HECW2: variants seen among roughly 807,000 people sequenced by gnomAD.
HECW2 encodes the protein E3 ubiquitin-protein ligase HECW2.
In HECW2, 61 loss-of-function variants were observed where a neutral mutation model predicts 175.2. The ratio of observed to expected loss-of-function variants is 0.35; its 90% CI spans 0.28 to 0.43. HECW2 has a LOEUF of 0.43. HECW2 is among the 20% of genes least tolerant of loss of function. The probability of loss-of-function intolerance (pLI) is 1.00; values close to 1 mark genes in which losing one functional copy is unlikely to be tolerated. For missense variants in HECW2, 1,524 were observed against 2,000.5 expected (o/e 0.76, Z 4.54); for synonymous variants, 671 against 731.0 (o/e 0.92, Z 1.32).
chr2:196,398,646 G>A (rs1056919515), intron 2 of HECW2, among the ~76,000 whole-genome samples: 1 of 152,052 alleles, frequency 6.6e-6, no homozygotes, highest in African/African-American at 2.4e-5. Flanking sequence ...TATTAAACAT[G>A]TTATTTATGA....
chr2:196,373,251 C>T (rs1248391024), intron 2 of HECW2, among the ~76,000 whole-genome samples: 1 of 152,194 alleles, frequency 6.6e-6, no homozygotes, highest in Non-Finnish European at 1.5e-5. Flanking sequence ...ATGCCCAAAC[C>T]ATGTTCAAAT....
rs1243939654 is a variant in HECW2 at position 196,195,493 on chromosome 2, G to C, written c.*5784C>G. 6.6e-6 allele frequency: 1 copy of C among 152,138 alleles called. No homozygotes were observed. Among genetic ancestry groups the C allele is most frequent in the Non-Finnish European group, 1.5e-5 (1 of 68,020 alleles). The allele number at this position is 152,138 out of a possible 1,614,324, so 9.4% of individuals were successfully genotyped here. On this transcript the variant is annotated 3_prime_UTR_variant, in exon 29 of 29. Coordinates refer to ENST00000644978, the MANE Select transcript of HECW2 (RefSeq NM_001348768.2). Reference sequence around the variant, plus strand: ...GTTCAATTACGAAAGCCAAATAAACGACTCTGCAGATAAAATCTAAGCAAA... The same window carrying C: ...GTTCAATTACGAAAGCCAAATAAACCACTCTGCAGATAAAATCTAAGCAAA...
chr2:196,343,084 G>GTA (rs992563571), intron 3 of HECW2, among the ~76,000 whole-genome samples: 2 of 150,228 alleles, frequency 1.3e-5, no homozygotes, highest in African/African-American at 5.0e-5. Flanking sequence ...GTGTGTGTGT[G>GTA]TGTATATACA....
intron 16 of HECW2, among the ~76,000 whole-genome samples, 186 bp downstream of exon 16, chr2:196,273,835 C>T (rs1168499340): frequency 6.6e-6 from 1 of 152,172 alleles, no homozygotes; most frequent in Non-Finnish European, 1.5e-5. Flanking sequence ...TAGGATATTA[C>T]AAGACAGAAG....
At chr2:196,404,819 C>T (rs1393030261) in intron 2 of HECW2, among the ~76,000 whole-genome samples, 3 of 80,378 alleles carry the variant, frequency 3.7e-5, no homozygotes, top group Admixed American at 1.7e-4. Context: ...TTTTTCTTCT[C>T]TTTTTTTTTT....
At chr2:196,419,984 G>A (rs899969770) in intron 2 of HECW2, among the ~76,000 whole-genome samples, 8 of 152,138 alleles carry the variant, frequency 5.3e-5, no homozygotes, top group Admixed American at 3.9e-4. Flanking sequence ...ATGATTTTAT[G>A]AACTACAGTA....
intron 2 of HECW2, among the ~76,000 whole-genome samples, chr2:196,347,072 A>G (rs1313479373): frequency 6.7e-6 from 1 of 149,158 alleles, no homozygotes; most frequent in Non-Finnish European, 1.5e-5. Context: ...ATTTTTTTTG[A>G]CATGGAGTCT....
At chr2:196,429,993 G>A (rs1222269301) in intron 2 of HECW2, among the ~76,000 whole-genome samples, 1 of 152,218 alleles carries the variant, frequency 6.6e-6, no homozygotes, top group East Asian at 1.9e-4. Context: ...CAGTGCTGGT[G>A]AATGCTGGAG....
intron 2 of HECW2, among the ~76,000 whole-genome samples, chr2:196,368,556 G>A (rs1053484318): frequency 6.6e-6 from 1 of 152,006 alleles, no homozygotes; most frequent in African/African-American, 2.4e-5. Context: ...TTATCTCTTT[G>A]AATAAACTTT....
At chr2:196,232,082 C>T (rs1025103790) in intron 21 of HECW2, among the ~76,000 whole-genome samples, 8 of 152,112 alleles carry the variant, frequency 5.3e-5, no homozygotes, top group Non-Finnish European at 2.9e-5. Context: ...AGAGTGAGCA[C>T]CCGTCAGCCA....
intron 1 of HECW2, among the ~76,000 whole-genome samples, chr2:196,496,009 T>C (rs1458165534): frequency 6.6e-6 from 1 of 152,160 alleles, no homozygotes; most frequent in African/African-American, 2.4e-5. Context: ...AAGATGAGCA[T>C]CTTTTATCTT....
intron 5 of HECW2, 103 bp downstream of exon 5, chr2:196,329,472 A>AT (rs1692276312): frequency 1.2e-6 from 1 of 859,394 alleles, no homozygotes; most frequent in Non-Finnish European, 1.9e-6. Flanking sequence ...ACTAGTTCAC[A>AT]TATCATCATA....
intron 28 of HECW2, among the ~76,000 whole-genome samples, chr2:196,211,952 C>T (rs1041992872): frequency 5.9e-5 from 9 of 152,178 alleles, no homozygotes; most frequent in African/African-American, 2.2e-4. Context: ...AAGCGATTCT[C>T]CTGCCTCCCG....
chr2:196,540,786 A>G (rs1367056303), intron 1 of HECW2, among the ~76,000 whole-genome samples: 1 of 152,148 alleles, frequency 6.6e-6, no homozygotes, highest in Non-Finnish European at 1.5e-5. Context: ...TATTTTTTCT[A>G]AAACAATGAA....
At position 196,465,749 on chromosome 2, in the gene HECW2, A is replaced by C. The variant is rs192431507; in HGVS notation, c.-35-32291T>G. Among the ~76,000 whole-genome samples the C allele has an allele frequency of 1.3e-4, 19 of 150,934 alleles. No homozygotes were observed. In the Middle Eastern group the frequency reaches 0.014, roughly 108 times the overall value. On this transcript the variant is annotated intron_variant, in intron 1 of 28. Coordinates refer to ENST00000644978, the MANE Select transcript of HECW2 (RefSeq NM_001348768.2). ...CGTATTTGCATGGCACAGTTAGGAA[A>C]CTGATCTGGACCACTGATCCAAAAG...
At chr2:196,389,226 C>T (rs573345737) in intron 2 of HECW2, among the ~76,000 whole-genome samples, 2 of 152,186 alleles carry the variant, frequency 1.3e-5, no homozygotes, top group Admixed American at 6.5e-5. Flanking sequence ...ATATTTAGCA[C>T]ATGAAATTAA....
chr2:196,271,403 G>T, intron 16 of HECW2, 114 bp from the exon 17 acceptor site: 1 of 691,150 alleles, frequency 1.4e-6, no homozygotes. Context: ...CCTGCCTCAG[G>T]CTTGCAAGTA....
chr2:196,498,690 G>A (rs181192966), intron 1 of HECW2, among the ~76,000 whole-genome samples: 2 of 152,210 alleles, frequency 1.3e-5, no homozygotes, highest in Admixed American at 6.6e-5. Flanking sequence ...GTTAGTTTAC[G>A]GTAGAGGCCT....
chr2:196,354,565 G>C (rs1458889618), intron 2 of HECW2, among the ~76,000 whole-genome samples: 1 of 152,142 alleles, frequency 6.6e-6, no homozygotes. Context: ...TTGATTATAT[G>C]ATATTAATTG....
Sources: gnomAD v4.1 joint callset for allele counts (sites outside exome capture counted in the v4.1 genomes callset) on GRCh38, gnomAD v4.1.1 for gene constraint, MANE v1.5 for transcripts, NCBI Gene and HGNC (gene_info 2026-07-23, HGNC 2026-07-21) for gene names.